The following HSPBP1 variants were observed in gnomAD, a reference collection of about 807,000 sequenced individuals.
HSPBP1 encodes hsp70-binding protein 1.
In HSPBP1, 31 loss-of-function variants were observed where a neutral mutation model predicts 41.7. The observed-to-expected ratio is 0.74, with a 90% CI of 0.56 to 1.00. HSPBP1 has a LOEUF of 1.00. HSPBP1 is among the 50% of genes least tolerant of loss of function. HSPBP1 has a pLI of 0.00. For missense variants in HSPBP1, 439 were observed against 487.9 expected (o/e 0.90, Z 0.94); for synonymous variants, 199 against 214.4 (o/e 0.93, Z 0.63).
chr19:55,274,542 C>T lies in HSPBP1; in HGVS notation c.496G>A (p.Ala166Thr). 6.2e-7 allele frequency: 1 copy of T among 1,608,326 alleles called. No homozygotes were observed. The change falls in exon 4 of 8, where the codon GCA (alanine) becomes ACA (threonine). Residue 166 changes from alanine to threonine, a missense_variant. Ala to Thr is a moderately conservative substitution (Grantham distance 58). Coordinates refer to ENST00000433386, the MANE Select transcript of HSPBP1 (RefSeq NM_012267.5). ...AGAAGLRWRAAQLIGTCSQNV... is the reference protein window; with the variant it reads ...AGAAGLRWRATQLIGTCSQNV... ...TGACTGCACGTGCCGATGAGCTGTG[C>T]CGCCCGCCACCGCAGTCCCGCAGCC... is the stretch of plus-strand genomic sequence containing the variant.
chr19:55,266,481 C>T (rs1600134890), intron 4 of HSPBP1, among the ~76,000 whole-genome samples, 195 bp from the exon 5 acceptor site: 1 of 76,910 alleles, frequency 1.3e-5, no homozygotes, highest in Admixed American at 1.2e-4. Context: ...ACCATCCTCA[C>T]CACCACCACC....
rs1022713585 is a variant in HSPBP1, at chr19:55,272,366, A to G, written c.640+2032T>C. Among the ~76,000 whole-genome samples the G allele has an allele frequency of 1.3e-5, 2 of 152,180 alleles. No individual in the cohort carries two copies. Among genetic ancestry groups the G allele is most frequent in the African/African-American group, 2.4e-5 (1 of 41,442 alleles). On this transcript the variant is annotated intron_variant, in intron 4 of 7. Transcript: ENST00000433386. The surrounding 1 kb of genome is among the most constrained non-coding windows in gnomAD (Gnocchi z 4.2). ...CCACCACTCGGGGACCTTGCAGCATATGAAAGGAGCCAGGCAGAAAAGGCC... is the reference window on the plus strand; with the variant it reads ...CCACCACTCGGGGACCTTGCAGCATGTGAAAGGAGCCAGGCAGAAAAGGCC...
rs989964884 is a variant in HSPBP1 at position 55,265,299 on chromosome 19, C to T, written c.984G>A (p.Leu328=). 6 of 1,611,188 alleles carry T rather than the reference C, an allele frequency of 3.7e-6. No homozygotes were observed. Among genetic ancestry groups the T allele is most frequent in the Non-Finnish European group, 5.1e-6 (6 of 1,178,482 alleles). The change falls in exon 7 of 8, where the codon CTG becomes CTA. Residue 328 remains leucine (L), a synonymous_variant. Transcript: ENST00000433386. ...EELLRHRCQL[L]QQHEEYQEEL... is the part of the protein sequence containing the mutation. ...GTACCTGGTACTCCTCATGCTGCTG[C>T]AGCAGCTGACAGCGGTGGCGGAGGA...
chr19:55,269,072 A>G (rs1000751749), intron 4 of HSPBP1, among the ~76,000 whole-genome samples: 4 of 152,148 alleles, frequency 2.6e-5, no homozygotes, highest in Non-Finnish European at 5.9e-5. Flanking sequence ...TGTCAGCTCT[A>G]CCTTCAAAAT....
intron 4 of HSPBP1, among the ~76,000 whole-genome samples, chr19:55,266,857 T>C (rs2087803107): frequency 1.3e-5 from 2 of 152,190 alleles, no homozygotes; most frequent in Admixed American, 6.5e-5. Flanking sequence ...TGAGCAGTCA[T>C]TCCCAATTTC....
chr19:55,267,173 G>A (rs1226243874), intron 4 of HSPBP1, among the ~76,000 whole-genome samples: 4 of 151,808 alleles, frequency 2.6e-5, no homozygotes, highest in African/African-American at 9.7e-5. Flanking sequence ...ATTTTGAGAT[G>A]GACTCTCGTT....
intron 4 of HSPBP1, among the ~76,000 whole-genome samples, chr19:55,267,320 T>C (rs2087813258): frequency 6.6e-6 from 1 of 152,070 alleles, no homozygotes; most frequent in South Asian, 2.1e-4. Flanking sequence ...CCGGCTAATT[T>C]TTGTATATAT....
chr19:55,265,474 T>A, intron 6 of HSPBP1, 85 bp from the exon 7 acceptor site: 1 of 1,055,238 alleles, frequency 9.5e-7, no homozygotes, highest in Non-Finnish European at 1.5e-6. Flanking sequence ...GTCCCCTGGC[T>A]CACTCAGGAG....
Position 55,272,563 on chromosome 19 carries a change from G to A in HSPBP1, c.640+1835C>T, listed in dbSNP as rs368574337. ...ATGAAGATGTTCTGAAATTTTGGCC[G>A]GGCGCAGTGGCTCACGCCTGTAATC... On this transcript the variant is annotated intron_variant, in intron 4 of 7. Coordinates refer to ENST00000433386, the MANE Select transcript of HSPBP1 (RefSeq NM_012267.5). This position sits in a 1 kb window ranked among gnomAD's most constrained non-coding sequence, Gnocchi z 4.2. Among the ~76,000 whole-genome samples, 4 of 152,230 alleles carry A rather than the reference G, an allele frequency of 2.6e-5. No homozygotes were observed. Among genetic ancestry groups the A allele is most frequent in the East Asian group, 1.9e-4 (1 of 5,162 alleles).
intron 4 of HSPBP1, among the ~76,000 whole-genome samples, chr19:55,269,755 CTCTGTAGAA>C (rs2036205850): frequency 6.6e-6 from 1 of 152,202 alleles, no homozygotes; most frequent in African/African-American, 2.4e-5. Flanking sequence ...AGCGAGATTC[CTCTGTAGAA>C]TACTACAGTA....
At position 55,262,526 on chromosome 19, in the gene HSPBP1, C is replaced by G; in HGVS notation, c.*82G>C. The G allele has an allele frequency of 6.3e-7, 1 of 1,577,748 alleles. No homozygotes were observed. Among genetic ancestry groups the G allele is most frequent in the South Asian group, 1.2e-5 (1 of 86,124 alleles). ...TCCAGGCACCTAGGCCCTGCGATCCCTTGGGAGAGGGCCTTGTAGGTGGGG... is the reference window on the plus strand; with the variant it reads ...TCCAGGCACCTAGGCCCTGCGATCCGTTGGGAGAGGGCCTTGTAGGTGGGG... On this transcript the variant is annotated 3_prime_UTR_variant, in exon 8 of 8. Transcript: ENST00000433386.
Position 55,277,623 on chromosome 19 carries a change from G to A in HSPBP1, c.415+19C>T. ...CATGTACAGAGGGGCAGAACGTCCT[G>A]GCGGGGGAAGCGGGGTACCTGCGGC... On this transcript the variant is annotated intron_variant, in intron 3 of 7. Transcript: ENST00000433386. The A allele has an allele frequency of 2.5e-6, 4 of 1,597,102 alleles. 1 individual carries two copies. In the South Asian group the frequency reaches 3.4e-5, roughly 14 times the overall value.
At chr19:55,267,397 TG>T (rs2087815816) in intron 4 of HSPBP1, among the ~76,000 whole-genome samples, 1 of 151,850 alleles carries the variant, frequency 6.6e-6, no homozygotes, top group African/African-American at 2.4e-5. Flanking sequence ...GTGATCCACC[TG>T]CCTGGGCCTC....
intron 1 of HSPBP1, 86 bp downstream of exon 1, chr19:55,279,949 A>G (rs771281280): frequency 1.4e-4 from 61 of 425,270 alleles, no homozygotes; most frequent in Non-Finnish European, 1.9e-4. Flanking sequence ...CCGCCTCCGT[A>G]GCAACAAGCC....
Position 55,274,347 on chromosome 19 carries a change from A to ACCCCCCCCCC in HSPBP1, c.640+50_640+51insGGGGGGGGGG, listed in dbSNP as rs11427517. ...AGCAGATCCCGGGGGCCCACCCGGC[A>ACCCCCCCCCC]CCCCCCCCCACCGCCAGCACCCCTG... On this transcript the variant is annotated intron_variant, in intron 4 of 7. Transcript: ENST00000433386. 1.1e-3 allele frequency: 373 copies of ACCCCCCCCCC among 327,846 alleles called. 12 individuals are homozygous for ACCCCCCCCCC. The highest frequency in any genetic ancestry group is 1.9e-3 in the Admixed American group (41 of 22,016). 20.3% of individuals were successfully genotyped at this position (327,846 alleles called of 1,614,324 possible). A position where few individuals can be genotyped will look rare whatever the true frequency, so the allele number is the denominator to read the frequency against.
In HSPBP1 at chr19:55,266,122, C is replaced by T. The variant is rs1159898395; in HGVS notation, c.796+9G>A. The T allele has an allele frequency of 1.9e-6, 3 of 1,600,448 alleles. No homozygotes were observed. The highest frequency in any genetic ancestry group is 2.7e-5 in the African/African-American group (2 of 74,610). ...CCCCACTCCTGCCCTCACTCAAGGG[C>T]TGCCACACCTTTGTGTTCAGGGTGG... On this transcript the variant is annotated intron_variant, in intron 5 of 7. Transcript: ENST00000433386.
In HSPBP1 at chr19:55,272,305, A is replaced by G. The variant is rs1483920485; in HGVS notation, c.640+2093T>C. ...ACGGTGGACCCACGCAACAGGACAC[A>G]TTCAGCCGCGGGAAGGAACACAGCA... On this transcript the variant is annotated intron_variant, in intron 4 of 7. Transcript: ENST00000433386. The surrounding 1 kb of genome is among the most constrained non-coding windows in gnomAD (Gnocchi z 4.2). Among the ~76,000 whole-genome samples, 1 of 152,144 alleles carries G rather than the reference A, an allele frequency of 6.6e-6. No homozygotes were observed. Among genetic ancestry groups the G allele is most frequent in the African/African-American group, 2.4e-5 (1 of 41,432 alleles).
At chr19:55,266,419 C>T (rs2087781275) in intron 4 of HSPBP1, 133 bp from the exon 5 acceptor site, 4 of 972,104 alleles carry the variant, frequency 4.1e-6, no homozygotes, top group Non-Finnish European at 6.0e-6. Flanking sequence ...TCTTCACCAC[C>T]ATCACAATCA....
Position 55,274,408 on chromosome 19 carries a change from G to A in HSPBP1, c.630C>T (p.Phe210=), listed in dbSNP as rs750447388. The A allele has an allele frequency of 1.5e-4, 229 of 1,562,250 alleles. No individual in the cohort carries two copies. Among genetic ancestry groups the A allele is most frequent in the Non-Finnish European group, 1.6e-4 (185 of 1,161,626 alleles). The change falls in exon 4 of 8, where the codon TTC becomes TTT. Residue 210 remains phenylalanine (F), a synonymous_variant. Transcript: ENST00000433386. ...ACDTVRVKAL[F]AISCLVREQE... is the part of the protein sequence containing the mutation. Reference sequence around the variant, plus strand: ...CACCCGGACACTCACAGGAGATGGCGAAGAGGGCCTTGACGCGCACCGTGT... The same window carrying A: ...CACCCGGACACTCACAGGAGATGGCAAAGAGGGCCTTGACGCGCACCGTGT...
Sources: allele counts gnomAD v4.1 joint callset (sites outside exome capture counted in the v4.1 genomes callset), GRCh38; gene constraint gnomAD v4.1.1; non-coding constraint Gnocchi (gnomAD v3.1); transcripts MANE v1.5; gene names NCBI Gene and HGNC (gene_info 2026-07-23, HGNC 2026-07-21).